PDZRN4: variants seen among roughly 807,000 people sequenced by gnomAD.
PDZRN4 encodes PDZ domain containing ring finger 4, also known as PDZ domain-containing RING finger protein 4.
PDZRN4 carries 70 observed loss-of-function variants against 99.0 expected under a neutral mutation model. The observed-to-expected ratio is 0.71, with a 90% CI of 0.58 to 0.86. The LOEUF (loss-of-function observed/expected upper bound fraction) is 0.86. PDZRN4 is among the 40% of genes least tolerant of loss of function. PDZRN4 has a pLI of 0.00. For synonymous variants in PDZRN4, 551 were observed against 501.6 expected (o/e 1.10, Z -1.32); for missense variants, 1,474 against 1,331.2 (o/e 1.11, Z -1.67).
At chr12:41,245,135 A>T (rs193241131) in intron 3 of PDZRN4, among the ~76,000 whole-genome samples, 2 of 152,136 alleles carry the variant, frequency 1.3e-5, no homozygotes, top group East Asian at 3.9e-4. Flanking sequence ...GCAGTGTGTT[A>T]TTGTATTTCA....
chr12:41,457,906 T>G (rs903166120), intron 3 of PDZRN4, among the ~76,000 whole-genome samples: 1 of 152,190 alleles, frequency 6.6e-6, no homozygotes, highest in African/African-American at 2.4e-5. Context: ...AGACAGGATC[T>G]TGACCCTGTA....
At chr12:41,549,278 G>T (rs754502708) in intron 5 of PDZRN4, among the ~76,000 whole-genome samples, 2 of 152,194 alleles carry the variant, frequency 1.3e-5, no homozygotes, top group Non-Finnish European at 2.9e-5. Flanking sequence ...TTACCAAGAG[G>T]TTGTTTCTTC....
chr12:41,282,549 C>T (rs1487301391), intron 3 of PDZRN4, among the ~76,000 whole-genome samples: 1 of 152,138 alleles, frequency 6.6e-6, no homozygotes, highest in Non-Finnish European at 1.5e-5. Context: ...AACTCTTCAC[C>T]CAAAATCAAC....
intron 3 of PDZRN4, among the ~76,000 whole-genome samples, chr12:41,275,233 G>A (rs374876384): frequency 7.2e-5 from 11 of 152,168 alleles, no homozygotes; most frequent in South Asian, 6.2e-4. Flanking sequence ...TAAAAAGTCC[G>A]TATTTCAGAT....
chr12:41,385,399 G>C (rs562768504), intron 3 of PDZRN4, among the ~76,000 whole-genome samples: 1 of 152,180 alleles, frequency 6.6e-6, no homozygotes, highest in African/African-American at 2.4e-5. Flanking sequence ...CAATGTTCTA[G>C]AACAGAATGA....
chr12:41,363,424 G>A (rs529768384), intron 3 of PDZRN4, among the ~76,000 whole-genome samples: 1 of 152,216 alleles, frequency 6.6e-6, no homozygotes, highest in South Asian at 2.1e-4. Flanking sequence ...CTGTGGAATT[G>A]TGATTGTAAA....
At chr12:41,483,768 A>C (rs1937721841) in intron 3 of PDZRN4, among the ~76,000 whole-genome samples, 1 of 152,128 alleles carries the variant, frequency 6.6e-6, no homozygotes, top group South Asian at 2.1e-4. Flanking sequence ...CAGCTTATTA[A>C]AGCATCTAGC....
chr12:41,456,242 A>G (rs1952815701), intron 3 of PDZRN4, among the ~76,000 whole-genome samples: 2 of 152,218 alleles, frequency 1.3e-5, no homozygotes, highest in African/African-American at 2.4e-5. Context: ...GCATCCTGAT[A>G]GCCTTCCACA....
At chr12:41,325,996 TG>T (rs1294294451) in intron 3 of PDZRN4, among the ~76,000 whole-genome samples, 2 of 152,062 alleles carry the variant, frequency 1.3e-5, no homozygotes, top group Non-Finnish European at 2.9e-5. Flanking sequence ...TTTTTTTTCT[TG>T]TTTTTGAGAC....
At chr12:41,378,366 T>G (rs1952096876) in intron 3 of PDZRN4, among the ~76,000 whole-genome samples, 1 of 152,102 alleles carries the variant, frequency 6.6e-6, no homozygotes, top group Admixed American at 6.6e-5. Context: ...AATGTGCTAT[T>G]GAACTCAATT....
intron 3 of PDZRN4, among the ~76,000 whole-genome samples, chr12:41,358,750 A>G (rs1414866541): frequency 6.6e-6 from 1 of 151,980 alleles, no homozygotes; most frequent in Non-Finnish European, 1.5e-5. Flanking sequence ...GCCATGGATG[A>G]CTTTATTTTG....
At chr12:41,285,160 G>GA (rs368077335) in intron 3 of PDZRN4, among the ~76,000 whole-genome samples, 12,606 of 151,062 alleles carry the variant, frequency 0.083, 658 homozygotes, top group African/African-American at 0.14. Flanking sequence ...AAATTTACAA[G>GA]AAAAAAAACA....
chr12:41,219,875 C>A lies in PDZRN4; in HGVS notation c.843+25687C>A, dbSNP rs368299977. On this transcript the variant is annotated intron_variant, in intron 3 of 9. Coordinates refer to ENST00000402685, the MANE Select transcript of PDZRN4 (RefSeq NM_001164595.2). ...CTGTAGCTTCTGCTACTGATATAAC[C>A]AACAACATTAATTGGGAAAATTTTG... Among the ~76,000 whole-genome samples, 8 of 152,144 alleles carry A rather than the reference C, an allele frequency of 5.3e-5. No homozygotes were observed. In the East Asian group the frequency reaches 7.7e-4, roughly 15 times the overall value.
At chr12:41,190,306 A>G (rs1203942030) in intron 1 of PDZRN4, among the ~76,000 whole-genome samples, 1 of 152,226 alleles carries the variant, frequency 6.6e-6, no homozygotes. Flanking sequence ...GACCGGTTTC[A>G]AGGAGTATTT....
chr12:41,472,762 T>C (rs1953005396), intron 3 of PDZRN4, among the ~76,000 whole-genome samples: 1 of 152,192 alleles, frequency 6.6e-6, no homozygotes, highest in Admixed American at 6.5e-5. Flanking sequence ...ATTTCCACTT[T>C]AACAGTTAAA....
chr12:41,491,304 T>C (rs1196390834), intron 3 of PDZRN4, among the ~76,000 whole-genome samples: 1 of 152,034 alleles, frequency 6.6e-6, no homozygotes, highest in East Asian at 1.9e-4. Flanking sequence ...GGGCAGATCA[T>C]GAGGTCAGGA....
At chr12:41,397,815 A>C (rs923545539) in intron 3 of PDZRN4, among the ~76,000 whole-genome samples, 2 of 152,132 alleles carry the variant, frequency 1.3e-5, no homozygotes, top group Non-Finnish European at 2.9e-5. Flanking sequence ...TTTACTTTTT[A>C]AGTCACTTAT....
intron 3 of PDZRN4, among the ~76,000 whole-genome samples, chr12:41,215,587 A>G (rs1476016887): frequency 6.6e-6 from 1 of 152,068 alleles, no homozygotes; most frequent in Non-Finnish European, 1.5e-5. Context: ...CTGGCTGATA[A>G]TTCACTGTCA....
At chr12:41,510,998 T>C (rs776888514) in intron 5 of PDZRN4, among the ~76,000 whole-genome samples, 1 of 152,150 alleles carries the variant, frequency 6.6e-6, no homozygotes, top group Non-Finnish European at 1.5e-5. Context: ...ATTTTCTAAA[T>C]CTACTCAAGC....
Sources: gnomAD v4.1 joint callset for allele counts (sites outside exome capture counted in the v4.1 genomes callset) on GRCh38, gnomAD v4.1.1 for gene constraint, MANE v1.5 for transcripts, NCBI Gene and HGNC (gene_info 2026-07-23, HGNC 2026-07-21) for gene names.